The following ACTN4 variants were observed in gnomAD, a reference collection of about 807,000 sequenced individuals.
ACTN4 encodes the protein alpha-actinin-4.
ACTN4 carries 18 observed loss-of-function variants against 114.2 expected under a neutral mutation model. That is an observed-to-expected ratio of 0.16 (90% CI 0.11 to 0.23). The LOEUF is 0.23. ACTN4 is among the 10% of genes least tolerant of loss of function. The probability of loss-of-function intolerance (pLI) is 1.00; values close to 1 mark genes in which losing one functional copy is unlikely to be tolerated. For synonymous variants in ACTN4, 515 were observed against 506.3 expected (o/e 1.02, Z -0.23); for missense variants, 722 against 1,262.9 (o/e 0.57, Z 6.49).
chr19:38,721,798 C>T lies in ACTN4; in HGVS notation c.1442+110C>T, dbSNP rs1969054296. The stretch of plus-strand genomic sequence containing the variant: ...CCTGCCTCAAGGCCTGGAATAGGGT[C>T]CCCAGTGCCCCAACTGCACCTCCTT... On this transcript the variant is annotated intron_variant, in intron 12 of 20. Coordinates refer to ENST00000252699, the MANE Select transcript of ACTN4 (RefSeq NM_004924.6). The T allele has an allele frequency of 2.0e-6, 3 of 1,470,460 alleles. No homozygotes were observed. In the East Asian group the frequency reaches 7.2e-5, roughly 35 times the overall value. The allele number at this position is 1,470,460 out of a possible 1,614,324, so 91.1% of individuals were successfully genotyped here.
intron 8 of ACTN4, 147 bp downstream of exon 8, chr19:38,710,489 G>A (rs1318883215): frequency 3.6e-6 from 3 of 837,500 alleles, no homozygotes; most frequent in Non-Finnish European, 6.0e-6. Flanking sequence ...TGGCGTTGCT[G>A]CCCCCTCAGC....
rs150250918 is a variant in ACTN4, at chr19:38,680,952, C to A, written c.163-19648C>A. Among the ~76,000 whole-genome samples, 1,142 of 151,806 alleles carry A rather than the reference C, an allele frequency of 7.5e-3. 11 individuals carry two copies. The highest frequency in any genetic ancestry group is 0.026 in the African/African-American group (1,077 of 41,364). ...ACCAGCCTGGCCAACATGGTGAAAC[C>A]CCGTCTCTACTAAAAATACAAAACT... On this transcript the variant is annotated intron_variant, in intron 1 of 20. Coordinates refer to ENST00000252699, the MANE Select transcript of ACTN4 (RefSeq NM_004924.6).
chr19:38,695,433 T>C (rs1405827619), intron 1 of ACTN4, among the ~76,000 whole-genome samples: 1 of 152,172 alleles, frequency 6.6e-6, no homozygotes, highest in African/African-American at 2.4e-5. Flanking sequence ...CCAAATGAAA[T>C]AGAAACCTTG....
rs1018592638 is a variant in ACTN4, at chr19:38,717,524, C to T, written c.1143+208C>T. Among the ~76,000 whole-genome samples the T allele has an allele frequency of 6.6e-6, 1 of 152,160 alleles. No individual in the cohort carries two copies. The highest frequency in any genetic ancestry group is 2.4e-5 in the African/African-American group (1 of 41,428). On this transcript the variant is annotated intron_variant, in intron 10 of 20. Coordinates refer to ENST00000252699, the MANE Select transcript of ACTN4 (RefSeq NM_004924.6). The surrounding 1 kb of genome is among the most constrained non-coding windows in gnomAD (Gnocchi z 4.0). ...GCCCTCACTCACTGTATTTTACACC[C>T]AGGGTTTTATACGCATCCCAAATCC... is the stretch of plus-strand genomic sequence containing the variant.
At chr19:38,702,373 C>T (rs1042886291) in intron 3 of ACTN4, among the ~76,000 whole-genome samples, 1 of 152,240 alleles carries the variant, frequency 6.6e-6, no homozygotes, top group African/African-American at 2.4e-5. Context: ...TCCCCCTGTC[C>T]TTCCACATGA....
intron 1 of ACTN4, among the ~76,000 whole-genome samples, chr19:38,698,607 C>T (rs917833906): frequency 2.0e-5 from 3 of 152,200 alleles, no homozygotes; most frequent in Non-Finnish European, 2.9e-5. Context: ...CCTCCAGGCA[C>T]GGCATTTGGC....
At chr19:38,723,568 G>T in intron 12 of ACTN4, 46 bp from the exon 13 acceptor site, 1 of 1,445,448 alleles carries the variant, frequency 6.9e-7, no homozygotes, top group Non-Finnish European at 9.6e-7. Context: ...AATCCATCTA[G>T]CCACTTGCCC....
intron 11 of ACTN4, among the ~76,000 whole-genome samples, chr19:38,720,882 C>T (rs1182435716): frequency 3.3e-5 from 5 of 152,228 alleles, no homozygotes; most frequent in Non-Finnish European, 7.3e-5. Context: ...CTGGCATTTT[C>T]CCTGCGGTTC....
At chr19:38,682,960 C>T (rs1437387001) in intron 1 of ACTN4, among the ~76,000 whole-genome samples, 2 of 152,206 alleles carry the variant, frequency 1.3e-5, no homozygotes, top group Non-Finnish European at 2.9e-5. Context: ...TCCCTGTCTC[C>T]TTAGCTTGTT....
Position 38,658,401 on chromosome 19 carries a change from A to G in ACTN4, c.162+10494A>G, listed in dbSNP as rs563940862. Among the ~76,000 whole-genome samples, 134 of 152,288 alleles carry G rather than the reference A, an allele frequency of 8.8e-4. 1 individual carries two copies. The highest frequency in any genetic ancestry group is 3.7e-3 in the South Asian group (18 of 4,828). ...TTAAAAAGAACTCTAAATTTCCCACAAATCCCAAGCACAAGTAACTTTTTT... is the reference window on the plus strand; with the variant it reads ...TTAAAAAGAACTCTAAATTTCCCACGAATCCCAAGCACAAGTAACTTTTTT... On this transcript the variant is annotated intron_variant, in intron 1 of 20. Coordinates refer to ENST00000252699, the MANE Select transcript of ACTN4 (RefSeq NM_004924.6).
At position 38,731,278 on chromosome 19, in the gene ACTN4, T is replaced by C. The variant is rs569931453; in HGVS notation, c.*1846T>C. On this transcript the variant is annotated 3_prime_UTR_variant, in exon 21 of 21. Coordinates refer to ENST00000252699, the MANE Select transcript of ACTN4 (RefSeq NM_004924.6). ...GCCCACAGGGAACCCACCTTGGCAT[T>C]GCATCCCCACCCCACCTCCTCAGGG... 23 of 1,368,560 alleles carry C rather than the reference T, an allele frequency of 1.7e-5. No individual in the cohort carries two copies. The South Asian group carries it at 2.7e-4, about 16-fold the overall frequency. The allele number at this position is 1,368,560 out of a possible 1,614,324, so 84.8% of individuals were successfully genotyped here.
chr19:38,708,479 C>T (rs1968534555), intron 6 of ACTN4, among the ~76,000 whole-genome samples: 2 of 152,202 alleles, frequency 1.3e-5, no homozygotes. Context: ...TATAACTCCC[C>T]TTCCTCAATC....
intron 1 of ACTN4, among the ~76,000 whole-genome samples, chr19:38,664,793 C>T (rs1300786573): frequency 6.6e-6 from 1 of 152,126 alleles, no homozygotes; most frequent in Non-Finnish European, 1.5e-5. Flanking sequence ...CTGCCTTCCT[C>T]TTTTTTGAAA....
At chr19:38,679,859 G>GAA (rs11403419) in intron 1 of ACTN4, among the ~76,000 whole-genome samples, 2 of 151,890 alleles carry the variant, frequency 1.3e-5, no homozygotes, top group Non-Finnish European at 2.9e-5. Context: ...CATGTCTTAA[G>GAA]AAAAAAACAA....
At chr19:38,692,287 G>A (rs573348693) in intron 1 of ACTN4, among the ~76,000 whole-genome samples, 10 of 152,374 alleles carry the variant, frequency 6.6e-5, no homozygotes, top group East Asian at 5.8e-4. Context: ...AGGCTGCCCC[G>A]TGTGTCGCTG....
chr19:38,711,244 C>G, intron 8 of ACTN4: 40 of 876,542 alleles, frequency 4.6e-5, no homozygotes, highest in Middle Eastern at 5.3e-4. Flanking sequence ...TCTCTCCTGC[C>G]TCTCTCTCTC....
chr19:38,716,863 G>GTTACAGGAAGT (rs1968858428), intron 9 of ACTN4, among the ~76,000 whole-genome samples: 1 of 152,158 alleles, frequency 6.6e-6, no homozygotes, highest in Non-Finnish European at 1.5e-5. Flanking sequence ...AGTAACAAGA[G>GTTACAGGAAGT]AACAGTACAG....
intron 8 of ACTN4, among the ~76,000 whole-genome samples, chr19:38,712,722 A>G (rs1968699133): frequency 6.6e-6 from 1 of 152,000 alleles, no homozygotes; most frequent in South Asian, 2.1e-4. Flanking sequence ...ACAGACCCCA[A>G]CTAACAGCAT....
chr19:38,731,174 C>CCGGTAG lies in ACTN4; in HGVS notation c.*1746_*1751dup. On this transcript the variant is annotated 3_prime_UTR_variant, in exon 21 of 21. Transcript: ENST00000252699. The stretch of plus-strand genomic sequence containing the variant: ...CGAAGTCCACACGCAGACGGCTATC[C>CCGGTAG]CGGTAGCGGCTGGTGAGGGTCTGGG... The CCGGTAG allele has an allele frequency of 6.2e-7, 1 of 1,613,176 alleles. No homozygotes were observed.
Sources: allele counts gnomAD v4.1 joint callset (sites outside exome capture counted in the v4.1 genomes callset), GRCh38; gene constraint gnomAD v4.1.1; non-coding constraint Gnocchi (gnomAD v3.1); transcripts MANE v1.5; gene names NCBI Gene and HGNC (gene_info 2026-07-23, HGNC 2026-07-21).